CACNB4: variants seen among roughly 807,000 people sequenced by gnomAD.
The protein encoded by CACNB4 is voltage-dependent L-type calcium channel subunit beta-4.
Under a neutral mutation model 71.2 loss-of-function variants are expected in CACNB4, and 32 were observed. The ratio of observed to expected loss-of-function variants is 0.45; its 90% CI spans 0.34 to 0.60. The LOEUF (loss-of-function observed/expected upper bound fraction) is 0.60, where lower values mean the gene tolerates loss of function less well. CACNB4 is among the 20% of genes least tolerant of loss of function. The pLI, the probability that CACNB4 is intolerant of heterozygous loss-of-function variation, is 0.01. For synonymous variants in CACNB4, 231 were observed against 236.9 expected, an observed-to-expected ratio of 0.97 and a Z score of 0.23; for missense variants, 464 against 647.9, an observed-to-expected ratio of 0.72 and a Z score of 3.08.
rs565155170 is a variant in CACNB4, at chr2:152,049,447, G to A, written c.147+48883C>T. On this transcript the variant is annotated intron_variant, in intron 2 of 13. Transcript: ENST00000539935. ...ATTACAGGCGTGAGCCACTGCACCC[G>A]GCCTGCATTCTCTTTCCCTCTCGTT... 6.0e-4 allele frequency among the ~76,000 whole-genome samples: 92 copies of A among 152,172 alleles called. 1 individual carries two copies. The Middle Eastern group carries it at 0.014, about 23-fold the overall frequency.
intron 2 of CACNB4, among the ~76,000 whole-genome samples, chr2:151,941,370 C>G (rs1342568090): frequency 6.7e-6 from 1 of 149,824 alleles, no homozygotes; most frequent in Non-Finnish European, 1.5e-5. Flanking sequence ...CAACTTCAGC[C>G]TCCTGGGTTC....
intron 2 of CACNB4, among the ~76,000 whole-genome samples, chr2:152,033,889 G>A (rs985601549): frequency 6.6e-6 from 1 of 152,154 alleles, no homozygotes; most frequent in African/African-American, 2.4e-5. Flanking sequence ...TCAGTTTGTA[G>A]GTAACAGACA....
At chr2:152,047,918 A>C (rs1160946815) in intron 2 of CACNB4, among the ~76,000 whole-genome samples, 1 of 152,104 alleles carries the variant, frequency 6.6e-6, no homozygotes, top group East Asian at 1.9e-4. Flanking sequence ...ACAAAACAAA[A>C]CAAAACATCT....
At chr2:152,062,974 G>T (rs901247232) in intron 2 of CACNB4, among the ~76,000 whole-genome samples, 1 of 152,186 alleles carries the variant, frequency 6.6e-6, no homozygotes. Context: ...AGACATCCAC[G>T]CAGAGGAGGA....
At chr2:151,974,782 G>A (rs2151739746) in intron 2 of CACNB4, among the ~76,000 whole-genome samples, 1 of 136,102 alleles carries the variant, frequency 7.3e-6, no homozygotes, top group South Asian at 2.4e-4. Flanking sequence ...CCTGGGATGA[G>A]TTTCTCTAGG....
chr2:152,018,246 C>T (rs1181179515), intron 2 of CACNB4, among the ~76,000 whole-genome samples: 1 of 151,954 alleles, frequency 6.6e-6, no homozygotes, highest in Non-Finnish European at 1.5e-5. Flanking sequence ...CAGGCAGAAA[C>T]ACAGCCAGCA....
At chr2:151,876,326 G>T in intron 5 of CACNB4, 100 bp downstream of exon 5, 1 of 970,522 alleles carries the variant, frequency 1.0e-6, no homozygotes, top group South Asian at 2.1e-5. Flanking sequence ...GAAACACTTT[G>T]CACACAGAAA....
chr2:151,860,032 T>A (rs1374854878), intron 10 of CACNB4: 1 of 152,154 alleles, frequency 6.6e-6, no homozygotes, highest in Non-Finnish European at 1.5e-5. Flanking sequence ...AAGTCATGAG[T>A]GGACTACACC....
intron 2 of CACNB4, among the ~76,000 whole-genome samples, chr2:151,916,210 C>T (rs546528718): frequency 6.6e-6 from 1 of 152,274 alleles, no homozygotes; most frequent in East Asian, 1.9e-4. Flanking sequence ...CACCCCTATT[C>T]CTGGATCCTT....
chr2:151,950,296 C>T (rs1246717461), intron 2 of CACNB4, among the ~76,000 whole-genome samples: 1 of 152,096 alleles, frequency 6.6e-6, no homozygotes, highest in African/African-American at 2.4e-5. Flanking sequence ...TTCCAAGATG[C>T]ACAGAGTTTC....
chr2:151,974,040 C>CCCTCGGAGAGTGGAGGGCG (rs1200106061), intron 2 of CACNB4: 1 of 1,032,430 alleles, frequency 9.7e-7, no homozygotes. Context: ...GAAGAGCGTT[C>CCCTCGGAGAGTGGAGGGCG]CCTCGGAGAG....
chr2:151,896,395 A>G (rs2099852076), intron 2 of CACNB4, among the ~76,000 whole-genome samples: 1 of 152,222 alleles, frequency 6.6e-6, no homozygotes, highest in African/African-American at 2.4e-5. Flanking sequence ...CTGCCTCACC[A>G]GCAAACACCC....
intron 5 of CACNB4, 122 bp downstream of exon 5, chr2:151,876,302 CTG>C (rs2099846230): frequency 1.4e-6 from 1 of 711,750 alleles, no homozygotes; most frequent in Non-Finnish European, 2.2e-6. Flanking sequence ...TGAAACTCTT[CTG>C]TGTCAGTTTC....
intron 2 of CACNB4, among the ~76,000 whole-genome samples, chr2:152,000,520 T>C (rs1682334412): frequency 6.6e-6 from 1 of 152,176 alleles, no homozygotes; most frequent in Non-Finnish European, 1.5e-5. Context: ...CTGTTGTCAT[T>C]ACAACTGGAT....
Position 151,836,985 on chromosome 2 carries a change from GT to G in CACNB4, c.*2133del. ...AAACCAGTAAAGCATATAGAAAAAT[GT>G]TTTGGCTAATGTTTTCTTTCTCATG... On this transcript the variant is annotated 3_prime_UTR_variant, in exon 14 of 14. Transcript: ENST00000539935. 6.6e-6 allele frequency: 1 copy of G among 151,932 alleles called. No individual in the cohort carries two copies. 9.4% of individuals were successfully genotyped at this position (151,932 alleles called of 1,614,324 possible).
chr2:151,903,275 G>C (rs192313657), intron 2 of CACNB4, among the ~76,000 whole-genome samples: 97 of 152,108 alleles, frequency 6.4e-4, no homozygotes, highest in African/African-American at 2.2e-3. Context: ...GCACTTTGGG[G>C]GGCTGAGGCG....
At chr2:152,026,019 G>A (rs1208904573) in intron 2 of CACNB4, among the ~76,000 whole-genome samples, 1 of 152,200 alleles carries the variant, frequency 6.6e-6, no homozygotes, top group African/African-American at 2.4e-5. Flanking sequence ...CCCTGCAGGT[G>A]CTGATGCAGC....
rs1172150872 is a variant in CACNB4 at position 151,853,383 on chromosome 2, G to GA, written c.1116+64dup. 3.4e-3 allele frequency: 2,882 copies of GA among 853,552 alleles called. 1 individual carries two copies. Among genetic ancestry groups the GA allele is most frequent in the Non-Finnish European group, 3.8e-3 (2,139 of 556,486 alleles). 52.9% of individuals were successfully genotyped at this position (853,552 alleles called of 1,614,324 possible). ...TTTAGAATGAAAACAACAATATGAAGAAAAAAAAACCCACCCTCTTCTAAC... is the reference window on the plus strand; with the variant it reads ...TTTAGAATGAAAACAACAATATGAAGAAAAAAAAAACCCACCCTCTTCTAAC... On this transcript the variant is annotated intron_variant, in intron 12 of 13. Transcript: ENST00000539935.
At chr2:151,988,282 A>C (rs1681485628) in intron 2 of CACNB4, among the ~76,000 whole-genome samples, 1 of 152,116 alleles carries the variant, frequency 6.6e-6, no homozygotes, top group Non-Finnish European at 1.5e-5. Flanking sequence ...TTTCTCTCTC[A>C]GTTGTTCATA....
Sources: gnomAD v4.1 joint callset for allele counts (sites outside exome capture counted in the v4.1 genomes callset) on GRCh38, gnomAD v4.1.1 for gene constraint, MANE v1.5 for transcripts, NCBI Gene and HGNC (gene_info 2026-07-23, HGNC 2026-07-21) for gene names.